Variants in C9orf85 observed in about 807,000 individuals in gnomAD.
The protein encoded by C9orf85 is uncharacterized protein C9orf85.
Under a neutral mutation model 14.9 loss-of-function variants are expected in C9orf85, and 16 were observed. The ratio of observed to expected loss-of-function variants is 1.08; its 90% CI spans 0.73 to 1.63. The LOEUF is 1.63. Ranked by LOEUF, C9orf85 falls within the 40% of genes most tolerant of loss-of-function variation. C9orf85 has a pLI of 0.00. For missense variants in C9orf85, 172 were observed against 186.1 expected, an observed-to-expected ratio of 0.92 and a Z score of 0.44; for synonymous variants, 45 against 56.8, an observed-to-expected ratio of 0.79 and a Z score of 0.93.
intron 1 of C9orf85, among the ~76,000 whole-genome samples, chr9:71,933,264 C>T (rs1407445896): frequency 6.6e-6 from 1 of 152,106 alleles, no homozygotes; most frequent in Non-Finnish European, 1.5e-5. Context: ...ATCCAAGAAG[C>T]TCAAAGAACT....
chr9:71,963,406 G>C (rs974017763), intron 2 of C9orf85, among the ~76,000 whole-genome samples: 2 of 152,132 alleles, frequency 1.3e-5, no homozygotes, highest in Admixed American at 6.5e-5. Flanking sequence ...GCTCGCTCTC[G>C]GTGCCTCCTC....
intron 1 of C9orf85, among the ~76,000 whole-genome samples, chr9:71,914,055 T>A (rs948459538): frequency 6.6e-6 from 1 of 152,228 alleles, no homozygotes; most frequent in African/African-American, 2.4e-5. Context: ...TAGCTAATAA[T>A]TGTCTGTGAT....
At chr9:71,912,984 GGGGCCAGCA>G (rs1827554025) in intron 1 of C9orf85, among the ~76,000 whole-genome samples, 1 of 152,170 alleles carries the variant, frequency 6.6e-6, no homozygotes, top group African/African-American at 2.4e-5. Context: ...GGGCATATTA[GGGGCCAGCA>G]TCACTCAGAT....
chr9:71,944,414 A>AT lies in C9orf85; in HGVS notation c.103-2582dup, dbSNP rs1165895501. Among the ~76,000 whole-genome samples the AT allele has an allele frequency of 8.7e-3, 1,303 of 150,068 alleles. 19 individuals carry two copies. The highest frequency in any genetic ancestry group is 0.029 in the African/African-American group (1,205 of 40,874). ...AGTTCAGTGGACTCTTCCACTGAAG[A>AT]TTTTTTTTTTCTTCACAAATCTGGA... On this transcript the variant is annotated intron_variant, in intron 1 of 3. Transcript: ENST00000334731.
At chr9:71,973,989 C>T (rs1211979215), downstream of C9orf85, among the ~76,000 whole-genome samples, 4 of 151,568 alleles carry the variant, frequency 2.6e-5, no homozygotes, top group Non-Finnish European at 4.4e-5. Context: ...TGCAATGGCG[C>T]AATCTCAGCT....
At chr9:71,928,470 G>T (rs1449172461) in intron 1 of C9orf85, among the ~76,000 whole-genome samples, 1 of 152,128 alleles carries the variant, frequency 6.6e-6, no homozygotes, top group Non-Finnish European at 1.5e-5. Flanking sequence ...GTACATACTA[G>T]CTCATATTTT....
chr9:71,971,643 A>G (rs747316589), intron 3 of C9orf85, 25 bp downstream of exon 3: 5 of 1,434,082 alleles, frequency 3.5e-6, no homozygotes, highest in Middle Eastern at 1.8e-4. Context: ...TTATGTTTGA[A>G]TTTTACTCTT....
At chr9:71,972,526 T>C (rs1393922762) in intron 3 of C9orf85, among the ~76,000 whole-genome samples, 166 bp from the exon 4 acceptor site, 1 of 152,258 alleles carries the variant, frequency 6.6e-6, no homozygotes, top group Non-Finnish European at 1.5e-5. Flanking sequence ...CCCAAAGTGC[T>C]GGGATTACAG....
intron 1 of C9orf85, among the ~76,000 whole-genome samples, chr9:71,928,879 C>T (rs2132270573): frequency 6.6e-6 from 1 of 152,182 alleles, no homozygotes; most frequent in Admixed American, 6.5e-5. Flanking sequence ...ATATTCTTGT[C>T]ATCAAAATCC....
Position 71,911,721 on chromosome 9 carries a change from C to T in C9orf85, c.-14C>T. The T allele has an allele frequency of 6.2e-7, 1 of 1,613,106 alleles. No individual in the cohort carries two copies. ...TTTGCCTGCTCCCGGCGAGGGGTGG[C>T]TTTGATTTCGGCGATGAGCTCCCAG... On this transcript the variant is annotated 5_prime_UTR_variant, in exon 1 of 4. Transcript: ENST00000334731.
At chr9:71,926,127 A>G (rs1488244736) in intron 1 of C9orf85, among the ~76,000 whole-genome samples, 3 of 152,242 alleles carry the variant, frequency 2.0e-5, no homozygotes, top group Non-Finnish European at 4.4e-5. Context: ...CAGGGATTGT[A>G]TAATTAATAT....
At chr9:71,928,596 A>G (rs184529344) in intron 1 of C9orf85, among the ~76,000 whole-genome samples, 45 of 152,326 alleles carry the variant, frequency 3.0e-4, no homozygotes, top group African/African-American at 9.9e-4. Flanking sequence ...ACTTGGAGTC[A>G]GGGCCACACC....
rs1239856815 is a variant in C9orf85 at position 71,935,724 on chromosome 9, T to C, written c.103-11282T>C. Among the ~76,000 whole-genome samples, 16 of 152,142 alleles carry C rather than the reference T, an allele frequency of 1.1e-4. 1 individual carries two copies. Among genetic ancestry groups the C allele is most frequent in the Admixed American group, 1.0e-3 (16 of 15,264 alleles). On this transcript the variant is annotated intron_variant, in intron 1 of 3. Coordinates refer to ENST00000334731, the MANE Select transcript of C9orf85 (RefSeq NM_182505.5). ...TACAGACAGAAAGTGGAATGATCGTTGCCAGGGGCTAGGAGGAAGGGACAA... is the reference window on the plus strand; with the variant it reads ...TACAGACAGAAAGTGGAATGATCGTCGCCAGGGGCTAGGAGGAAGGGACAA...
intron 2 of C9orf85, among the ~76,000 whole-genome samples, chr9:71,949,554 T>C (rs1822193649): frequency 6.6e-6 from 1 of 152,140 alleles, no homozygotes; most frequent in African/African-American, 2.4e-5. Flanking sequence ...CCAGTCTAAG[T>C]TCTCACCCTT....
chr9:71,967,571 C>A (rs115713130), intron 2 of C9orf85, among the ~76,000 whole-genome samples: 1 of 151,938 alleles, frequency 6.6e-6, no homozygotes, highest in Non-Finnish European at 1.5e-5. Context: ...TTTACTGACC[C>A]CATATATTGT....
intron 1 of C9orf85, among the ~76,000 whole-genome samples, chr9:71,934,462 C>A (rs1204574309): frequency 1.3e-5 from 2 of 152,160 alleles, no homozygotes; most frequent in African/African-American, 4.8e-5. Flanking sequence ...TTTGGCTTTG[C>A]TGAAAATTTA....
downstream of C9orf85, chr9:71,985,987 C>T (rs993802976): frequency 2.6e-5 from 4 of 151,988 alleles, no homozygotes; most frequent in Non-Finnish European, 4.4e-5. Context: ...ATTAAATGCC[C>T]ATAAGTGACA....
At chr9:71,938,131 A>T (rs1363895743) in intron 1 of C9orf85, among the ~76,000 whole-genome samples, 1 of 152,148 alleles carries the variant, frequency 6.6e-6, no homozygotes, top group Non-Finnish European at 1.5e-5. Context: ...GATAGTACAC[A>T]TGCAAATTAT....
chr9:71,946,890 A>G, intron 1 of C9orf85, 116 bp from the exon 2 acceptor site: 1 of 581,970 alleles, frequency 1.7e-6, no homozygotes, highest in East Asian at 2.8e-5. Flanking sequence ...ATAAATTGTT[A>G]TGCAGATTAA....
Sources: allele counts gnomAD v4.1 joint callset (sites outside exome capture counted in the v4.1 genomes callset), GRCh38; gene constraint gnomAD v4.1.1; transcripts MANE v1.5; gene names NCBI Gene and HGNC (gene_info 2026-07-23, HGNC 2026-07-21).